Variants in SUPT3H observed in about 807,000 individuals in gnomAD.
SUPT3H encodes the protein SPT3 homolog, SAGA and STAGA complex component.
SUPT3H carries 44 observed loss-of-function variants against 44.3 expected under a neutral mutation model. The ratio of observed to expected loss-of-function variants is 0.99; its 90% CI spans 0.78 to 1.28. SUPT3H has a LOEUF of 1.28. SUPT3H is among the 50% of genes most tolerant of loss of function. The pLI is 0.00. For synonymous variants in SUPT3H, 124 were observed against 125.6 expected (o/e 0.99, Z 0.09); for missense variants, 380 against 387.1 (o/e 0.98, Z 0.15).
intron 2 of SUPT3H, among the ~76,000 whole-genome samples, chr6:45,230,686 A>ATATATATATATTTTTTTTTTTTTTT (rs796866510): frequency 1.7e-5 from 2 of 116,796 alleles, no homozygotes; most frequent in African/African-American, 3.1e-5. Flanking sequence ...ATATATATAT[A>ATATATATATATTTTTTTTTTTTTTT]TTTTTGAGAT....
chr6:45,210,064 A>G (rs894166383), intron 2 of SUPT3H, among the ~76,000 whole-genome samples: 7 of 151,764 alleles, frequency 4.6e-5, no homozygotes, highest in African/African-American at 1.7e-4. Context: ...TTATAAAAAT[A>G]AAGTATTTTT....
At chr6:45,186,722 C>G (rs1012954371) in intron 2 of SUPT3H, among the ~76,000 whole-genome samples, 1 of 152,140 alleles carries the variant, frequency 6.6e-6, no homozygotes, top group Admixed American at 6.5e-5. Flanking sequence ...GCTCTTCTCC[C>G]CTGACCCAGG....
At chr6:45,100,749 C>T (rs531968624) in intron 3 of SUPT3H, among the ~76,000 whole-genome samples, 63 of 152,160 alleles carry the variant, frequency 4.1e-4, no homozygotes, top group African/African-American at 1.4e-3. Flanking sequence ...GAATGTCTTA[C>T]ACACTTTTGA....
chr6:44,889,643 T>TA (rs1400123946), intron 10 of SUPT3H, among the ~76,000 whole-genome samples: 1 of 152,126 alleles, frequency 6.6e-6, no homozygotes, highest in East Asian at 1.9e-4. Flanking sequence ...ACGTTAGACC[T>TA]AAAACCATAA....
intron 2 of SUPT3H, among the ~76,000 whole-genome samples, chr6:45,312,178 A>G (rs903290532): frequency 2.6e-5 from 4 of 152,150 alleles, no homozygotes; most frequent in Admixed American, 2.6e-4. Flanking sequence ...AGCAATTCTT[A>G]TATCAGACAA....
intron 1 of SUPT3H, among the ~76,000 whole-genome samples, chr6:45,370,707 A>AC (rs1795919300): frequency 6.6e-6 from 1 of 152,032 alleles, no homozygotes; most frequent in East Asian, 1.9e-4. Flanking sequence ...CATGAAAACT[A>AC]CCCCCATCCT....
chr6:44,942,614 G>A (rs1249279019), intron 9 of SUPT3H, among the ~76,000 whole-genome samples: 1 of 152,118 alleles, frequency 6.6e-6, no homozygotes. Context: ...TTGTGGGTGG[G>A]GAGAGATGGG....
intron 2 of SUPT3H, among the ~76,000 whole-genome samples, chr6:45,296,185 T>TTCACACACACAC (rs1781183730): frequency 7.1e-6 from 1 of 140,454 alleles, no homozygotes; most frequent in South Asian, 2.5e-4. Flanking sequence ...ATACACATAC[T>TTCACACACACAC]ACACACACAC....
At chr6:45,163,731 T>C (rs1006011420) in intron 2 of SUPT3H, among the ~76,000 whole-genome samples, 2 of 151,166 alleles carry the variant, frequency 1.3e-5, no homozygotes, top group Non-Finnish European at 2.9e-5. Context: ...ATCACTGCCA[T>C]ACTTTTCAAC....
intron 11 of SUPT3H, among the ~76,000 whole-genome samples, chr6:44,820,768 G>C (rs944738332): frequency 2.6e-5 from 4 of 152,198 alleles, no homozygotes; most frequent in African/African-American, 9.6e-5. Context: ...GAAAAAGAAA[G>C]CAAGGAAAGG....
chr6:45,208,763 C>T (rs1197882578), intron 2 of SUPT3H, among the ~76,000 whole-genome samples: 2 of 148,278 alleles, frequency 1.3e-5, no homozygotes, highest in Non-Finnish European at 3.0e-5. Context: ...TCAGTGGAAA[C>T]AAAACAACCT....
At chr6:44,925,039 T>C (rs1212286446) in intron 10 of SUPT3H, among the ~76,000 whole-genome samples, 4 of 152,184 alleles carry the variant, frequency 2.6e-5, no homozygotes, top group African/African-American at 4.8e-5. Flanking sequence ...CAATCTGCCA[T>C]GCCACTTTTG....
downstream of SUPT3H, among the ~76,000 whole-genome samples, chr6:44,822,233 A>G (rs971760944): frequency 6.6e-6 from 1 of 152,234 alleles, no homozygotes; most frequent in Non-Finnish European, 1.5e-5. Flanking sequence ...GTGCCAAATA[A>G]GATTTCTGAA....
intron 2 of SUPT3H, among the ~76,000 whole-genome samples, chr6:45,316,333 T>A (rs1441624677): frequency 6.6e-6 from 1 of 151,522 alleles, no homozygotes; most frequent in East Asian, 1.9e-4. Context: ...AAAAATAAAA[T>A]TTTAAAAAAA....
chr6:45,122,161 T>C (rs149007752), intron 2 of SUPT3H, among the ~76,000 whole-genome samples: 6 of 152,322 alleles, frequency 3.9e-5, no homozygotes, highest in African/African-American at 1.4e-4. Context: ...TCACCTTTAT[T>C]ACGCTGTAAA....
At chr6:45,020,408 A>T in intron 4 of SUPT3H, 138 bp downstream of exon 4, 1 of 627,000 alleles carries the variant, frequency 1.6e-6, no homozygotes, top group Non-Finnish European at 2.7e-6. Context: ...TTTGTCGTCC[A>T]AACCATGAAG....
At chr6:45,194,471 T>A (rs1043391603) in intron 2 of SUPT3H, among the ~76,000 whole-genome samples, 14 of 152,174 alleles carry the variant, frequency 9.2e-5, no homozygotes, top group Non-Finnish European at 1.5e-4. Flanking sequence ...ACTATTCAAG[T>A]GCTTGTTGTA....
intron 2 of SUPT3H, among the ~76,000 whole-genome samples, chr6:45,314,332 C>T (rs546882866): frequency 6.6e-5 from 10 of 152,176 alleles, no homozygotes; most frequent in African/African-American, 1.9e-4. Flanking sequence ...GCATCCACGT[C>T]GGTAAAGAGG....
intron 2 of SUPT3H, among the ~76,000 whole-genome samples, chr6:45,274,836 C>G (rs1282674434): frequency 6.6e-6 from 1 of 152,142 alleles, no homozygotes; most frequent in Non-Finnish European, 1.5e-5. Flanking sequence ...GTGAGCCAAA[C>G]ATGCACTGTG....
Sources: gnomAD v4.1 joint callset for allele counts (sites outside exome capture counted in the v4.1 genomes callset) on GRCh38, gnomAD v4.1.1 for gene constraint, MANE v1.5 for transcripts, NCBI Gene and HGNC (gene_info 2026-07-23, HGNC 2026-07-21) for gene names.